The following FHOD3 variants were observed in gnomAD, a reference collection of about 807,000 sequenced individuals.
FHOD3 encodes FH1/FH2 domain-containing protein 3.
In FHOD3, 90 loss-of-function variants were observed where a neutral mutation model predicts 173.0. The observed-to-expected ratio is 0.52, with a 90% CI of 0.44 to 0.62. FHOD3 has a LOEUF of 0.62. Among genes scored for constraint, FHOD3 ranks in the 20% least tolerant of loss-of-function variants. The probability of loss-of-function intolerance (pLI) is 0.00; values close to 1 mark genes in which losing one functional copy is unlikely to be tolerated. For missense variants in FHOD3, 1,945 were observed against 2,034.7 expected, an observed-to-expected ratio of 0.96 and a Z score of 0.85; for synonymous variants, 828 against 823.0, an observed-to-expected ratio of 1.01 and a Z score of -0.10.
At chr18:36,304,691 C>A (rs899892828) in intron 1 of FHOD3, among the ~76,000 whole-genome samples, 2 of 152,040 alleles carry the variant, frequency 1.3e-5, no homozygotes, top group African/African-American at 4.8e-5. Context: ...AATCAATTCC[C>A]ATGATGAAGT....
At chr18:36,325,973 T>A (rs1200883448) in intron 1 of FHOD3, among the ~76,000 whole-genome samples, 2 of 152,236 alleles carry the variant, frequency 1.3e-5, no homozygotes, top group Non-Finnish European at 2.9e-5. Flanking sequence ...CCTCATTTGG[T>A]TTAACAACAC....
At chr18:36,686,856 C>A (rs933380354) in intron 15 of FHOD3, among the ~76,000 whole-genome samples, 1 of 152,210 alleles carries the variant, frequency 6.6e-6, no homozygotes, top group Admixed American at 6.5e-5. Flanking sequence ...CAGATACTTA[C>A]ATTCTTTCCA....
intron 3 of FHOD3, among the ~76,000 whole-genome samples, chr18:36,496,718 C>T (rs570964071): frequency 1.2e-4 from 19 of 152,076 alleles, no homozygotes; most frequent in African/African-American, 1.9e-4. Context: ...GTATTGCTCT[C>T]GTGATATAGG....
rs2041316610 is a variant in FHOD3, at chr18:36,730,794, A to G, written c.3566A>G (p.Glu1189Gly). ...LNFDEYALNK[E>G]GIEKILTMIP... ...TTTGATGAGTATGCCTTAAACAAAG[A>G]AGGAATCGAGGTGAGGGAAGCTCTA... is the stretch of plus-strand genomic sequence containing the variant. The change falls in exon 20 of 29, where the codon GAA becomes GGA. Residue 1189 changes from glutamate (E) to glycine (G), a missense_variant. Transcript: ENST00000590592. The G allele has an allele frequency of 6.2e-7, 1 of 1,613,738 alleles. No individual in the cohort carries two copies. The highest frequency in any genetic ancestry group is 8.5e-7 in the Non-Finnish European group (1 of 1,179,958).
At chr18:36,724,513 G>A (rs2040954206) in intron 19 of FHOD3, among the ~76,000 whole-genome samples, 1 of 152,166 alleles carries the variant, frequency 6.6e-6, no homozygotes. Flanking sequence ...AGCCTTGAGT[G>A]CTGTCTGTTT....
At chr18:36,668,513 A>G (rs951324708) in intron 14 of FHOD3, among the ~76,000 whole-genome samples, 4 of 150,268 alleles carry the variant, frequency 2.7e-5, no homozygotes, top group Non-Finnish European at 5.9e-5. Flanking sequence ...TGTTTGTTTT[A>G]TTTTCTTGCT....
At position 36,652,931 on chromosome 18, in the gene FHOD3, T is replaced by TA. The variant is rs746158241; in HGVS notation, c.1646+3dup. 8 of 1,528,218 alleles carry TA rather than the reference T, an allele frequency of 5.2e-6. No homozygotes were observed. The South Asian group carries it at 9.6e-5, about 18-fold the overall frequency. 94.7% of individuals were successfully genotyped at this position (1,528,218 alleles called of 1,614,324 possible). ...AGCAGAGTCCCAGAAGGAAAACAGG[T>TA]AGATTTGCTCACCTGGAGGCTTGTT... On this transcript the variant is annotated splice_region_variant and intron_variant, in intron 12 of 28. Transcript: ENST00000590592.
At chr18:36,329,776 C>G (rs901659320) in intron 1 of FHOD3, among the ~76,000 whole-genome samples, 2 of 151,824 alleles carry the variant, frequency 1.3e-5, no homozygotes, top group African/African-American at 4.8e-5. Flanking sequence ...CTGCATGGAC[C>G]CAAGAGCCAC....
chr18:36,320,195 G>T (rs1280864010), intron 1 of FHOD3, among the ~76,000 whole-genome samples: 4 of 152,162 alleles, frequency 2.6e-5, no homozygotes, highest in African/African-American at 4.8e-5. Context: ...GAATCCAGGA[G>T]CTGGTTTTTG....
intron 6 of FHOD3, among the ~76,000 whole-genome samples, chr18:36,594,340 CTGT>C (rs1392959549): frequency 3.9e-5 from 6 of 152,076 alleles, no homozygotes; most frequent in Non-Finnish European, 5.9e-5. Context: ...CCTAAGCTGG[CTGT>C]TGTGACTTTG....
At chr18:36,464,932 G>GACAC (rs545970619) in intron 3 of FHOD3, among the ~76,000 whole-genome samples, 1 of 151,246 alleles carries the variant, frequency 6.6e-6, no homozygotes, top group South Asian at 2.1e-4. Flanking sequence ...CTTTTTCTGT[G>GACAC]ACACACACAC....
chr18:36,470,743 G>C (rs1194029482), intron 3 of FHOD3, among the ~76,000 whole-genome samples: 1 of 152,234 alleles, frequency 6.6e-6, no homozygotes, highest in Admixed American at 6.5e-5. Flanking sequence ...TTCAGGCTCA[G>C]CTCAGATTCC....
At chr18:36,369,846 G>A (rs919969378) in intron 2 of FHOD3, among the ~76,000 whole-genome samples, 1 of 152,144 alleles carries the variant, frequency 6.6e-6, no homozygotes, top group Non-Finnish European at 1.5e-5. Flanking sequence ...GTAAGCCCTA[G>A]AGGTGGTTAT....
intron 10 of FHOD3, among the ~76,000 whole-genome samples, chr18:36,647,304 G>A (rs2035757847): frequency 6.6e-6 from 1 of 151,992 alleles, no homozygotes. Flanking sequence ...AAAACTACTT[G>A]GACACTTCAA....
At chr18:36,458,666 GTTTTTTTTTTTTTT>G (rs35141522) in intron 3 of FHOD3, among the ~76,000 whole-genome samples, 1 of 104,724 alleles carries the variant, frequency 9.5e-6, no homozygotes, top group Admixed American at 1.1e-4. Context: ...TTTTTGTTAG[GTTTTTTTTTTTTTT>G]TTTTTTTTGG....
At chr18:36,714,073 A>G (rs777709106) in intron 18 of FHOD3, among the ~76,000 whole-genome samples, 2 of 152,248 alleles carry the variant, frequency 1.3e-5, no homozygotes, top group African/African-American at 2.4e-5. Flanking sequence ...AAAGTTGAGA[A>G]AAGATATATT....
At chr18:36,510,999 C>A (rs1412929251) in intron 4 of FHOD3, among the ~76,000 whole-genome samples, 1 of 152,116 alleles carries the variant, frequency 6.6e-6, no homozygotes, top group African/African-American at 2.4e-5. Flanking sequence ...CCATAAAAAT[C>A]AAAATAAGGG....
chr18:36,495,327 A>G (rs1347620464), intron 3 of FHOD3, among the ~76,000 whole-genome samples: 2 of 151,946 alleles, frequency 1.3e-5, no homozygotes, highest in East Asian at 3.9e-4. Context: ...TGATGCTCTG[A>G]TTTAGAGCTT....
intron 1 of FHOD3, among the ~76,000 whole-genome samples, chr18:36,340,631 CTTTTCTTTTT>C (rs901082429): frequency 8.1e-6 from 1 of 123,994 alleles, no homozygotes; most frequent in African/African-American, 2.6e-5. Context: ...GCTCAGTCTC[CTTTTCTTTTT>C]TTTTCTTTTT....
Sources: gnomAD v4.1 joint callset for allele counts (sites outside exome capture counted in the v4.1 genomes callset) on GRCh38, gnomAD v4.1.1 for gene constraint, MANE v1.5 for transcripts, NCBI Gene and HGNC (gene_info 2026-07-23, HGNC 2026-07-21) for gene names.